CAMTA1: variants seen among roughly 807,000 people sequenced by gnomAD.
CAMTA1 encodes the protein calmodulin binding transcription activator 1, also known as calmodulin-binding transcription activator 1.
Under a neutral mutation model 170.9 loss-of-function variants are expected in CAMTA1, and 27 were observed. The ratio of observed to expected loss-of-function variants is 0.16; its 90% CI spans 0.12 to 0.22. The LOEUF (loss-of-function observed/expected upper bound fraction) is 0.22. CAMTA1 is among the 10% of genes least tolerant of loss of function. The pLI is 1.00. For missense variants in CAMTA1, 1,619 were observed against 2,217.2 expected, an observed-to-expected ratio of 0.73 and a Z score of 5.42; for synonymous variants, 833 against 891.5, an observed-to-expected ratio of 0.93 and a Z score of 1.17.
intron 3 of CAMTA1, among the ~76,000 whole-genome samples, chr1:6,837,105 C>T (rs547794409): frequency 1.3e-5 from 2 of 152,254 alleles, no homozygotes; most frequent in African/African-American, 4.8e-5. Flanking sequence ...AGGCACGCGC[C>T]ACCATACCCG....
At chr1:6,827,940 T>C (rs1448282726) in intron 3 of CAMTA1, among the ~76,000 whole-genome samples, 1 of 152,190 alleles carries the variant, frequency 6.6e-6, no homozygotes, top group Non-Finnish European at 1.5e-5. Flanking sequence ...TAGATCCCAC[T>C]GAAGGGGCTC....
chr1:7,749,832 GAGTCACAAACTTCA>G (rs2096883251), intron 19 of CAMTA1: 3 of 455,990 alleles, frequency 6.6e-6, no homozygotes, highest in Non-Finnish European at 1.3e-5. Flanking sequence ...CATTCCACCA[GAGTCACAAACTTCA>G]CACCCATCAC....
intron 3 of CAMTA1, among the ~76,000 whole-genome samples, chr1:6,923,256 C>T (rs1347876702): frequency 2.0e-5 from 3 of 152,038 alleles, no homozygotes; most frequent in Non-Finnish European, 4.4e-5. Flanking sequence ...TATGTGGAAG[C>T]GAGAGGGGTC....
At chr1:7,440,193 G>C (rs2092477937) in intron 5 of CAMTA1, among the ~76,000 whole-genome samples, 2 of 152,284 alleles carry the variant, frequency 1.3e-5, no homozygotes, top group South Asian at 4.1e-4. Flanking sequence ...CCACTACCTG[G>C]TGGGGAGAGG....
chr1:7,379,326 G>A (rs1367719649), intron 5 of CAMTA1, among the ~76,000 whole-genome samples: 3 of 152,168 alleles, frequency 2.0e-5, no homozygotes, highest in Admixed American at 1.3e-4. Flanking sequence ...AGTGAAATAA[G>A]TTTTTTTATT....
chr1:7,207,179 C>A lies in CAMTA1; in HGVS notation c.303-42312C>A, dbSNP rs144015878. 2.0e-5 allele frequency among the ~76,000 whole-genome samples: 3 copies of A among 152,292 alleles called. No individual in the cohort carries two copies. The East Asian group carries it at 5.8e-4, about 29-fold the overall frequency. On this transcript the variant is annotated intron_variant, in intron 4 of 22. Coordinates refer to ENST00000303635, the MANE Select transcript of CAMTA1 (RefSeq NM_015215.4). ...AGCATCCACTGAGTAGCATCTTGTACCTGACACTTTACTAGGCTCTGAACA... is the reference window on the plus strand; with the variant it reads ...AGCATCCACTGAGTAGCATCTTGTAACTGACACTTTACTAGGCTCTGAACA...
At chr1:7,454,398 C>T (rs1487153129) in intron 5 of CAMTA1, among the ~76,000 whole-genome samples, 5 of 152,212 alleles carry the variant, frequency 3.3e-5, no homozygotes, top group Non-Finnish European at 7.3e-5. Context: ...TCACTGCAAA[C>T]GTATTGTCAT....
chr1:6,903,397 C>A (rs939060266), intron 3 of CAMTA1, among the ~76,000 whole-genome samples: 3 of 152,152 alleles, frequency 2.0e-5, no homozygotes, highest in Admixed American at 6.5e-5. Flanking sequence ...GTTAATTATA[C>A]CTTAATTAAA....
chr1:7,473,843 G>A lies in CAMTA1; in HGVS notation c.510+5942G>A, dbSNP rs12080687. 9.7e-3 allele frequency among the ~76,000 whole-genome samples: 1,485 copies of A among 152,360 alleles called. 27 individuals carry two copies. The highest frequency in any genetic ancestry group is 0.073 in the East Asian group (380 of 5,190). ...AGTGTAGTTTTTCTCCACTGACGCC[G>A]GAACCTGGCTGTGGAACGCGATGGC... is the stretch of plus-strand genomic sequence containing the variant. On this transcript the variant is annotated intron_variant, in intron 6 of 22. Transcript: ENST00000303635.
chr1:7,674,218 C>G lies in CAMTA1; in HGVS notation c.2779+3181C>G, dbSNP rs1313327168. ...ACAGATGAGCAGGGTCCTGCCCTGG[C>G]AGCTCCCACACCGTCACAGGTGGCA... On this transcript the variant is annotated intron_variant, in intron 10 of 22. Transcript: ENST00000303635. The surrounding 1 kb of genome is among the most constrained non-coding windows in gnomAD (Gnocchi z 4.1). Among the ~76,000 whole-genome samples the G allele has an allele frequency of 6.6e-6, 1 of 152,216 alleles. No individual in the cohort carries two copies. Among genetic ancestry groups the G allele is most frequent in the East Asian group, 1.9e-4 (1 of 5,188 alleles).
intron 3 of CAMTA1, among the ~76,000 whole-genome samples, chr1:7,026,713 C>T (rs1032175529): frequency 6.6e-6 from 1 of 150,896 alleles, no homozygotes; most frequent in African/African-American, 2.4e-5. Context: ...TCACTGCAAC[C>T]GCCGCCTCCC....
rs2093144384 is a variant in CAMTA1, at chr1:7,463,648, T to C, written c.439-4182T>C. Among the ~76,000 whole-genome samples, 1 of 151,634 alleles carries C rather than the reference T, an allele frequency of 6.6e-6. No homozygotes were observed. Among genetic ancestry groups the C allele is most frequent in the African/African-American group, 2.4e-5 (1 of 41,256 alleles). ...AGAGAGGCAAGGAGAGAGAGACAGA[T>C]ACAGAGATAGGAAGAGAGAAACAGA... On this transcript the variant is annotated intron_variant, in intron 5 of 22. Transcript: ENST00000303635. This position sits in a 1 kb window ranked among gnomAD's most constrained non-coding sequence, Gnocchi z 4.7.
chr1:7,676,648 G>A (rs572006965), intron 10 of CAMTA1, among the ~76,000 whole-genome samples: 5 of 152,366 alleles, frequency 3.3e-5, no homozygotes, highest in South Asian at 2.1e-4. Flanking sequence ...GTACTGGGGA[G>A]GCCCTGGGTA....
intron 5 of CAMTA1, among the ~76,000 whole-genome samples, chr1:7,322,013 C>G (rs932333610): frequency 6.6e-6 from 1 of 152,164 alleles, no homozygotes; most frequent in Non-Finnish European, 1.5e-5. Context: ...GGTTTGCTAG[C>G]TCTAGTAGGG....
At chr1:7,502,872 C>A (rs1045928604) in intron 6 of CAMTA1, among the ~76,000 whole-genome samples, 1 of 152,216 alleles carries the variant, frequency 6.6e-6, no homozygotes, top group African/African-American at 2.4e-5. Context: ...AGGGCTGAAG[C>A]GAGGCAGGCA....
At chr1:7,591,212 A>G (rs2095353201) in intron 6 of CAMTA1, among the ~76,000 whole-genome samples, 1 of 152,264 alleles carries the variant, frequency 6.6e-6, no homozygotes, top group Non-Finnish European at 1.5e-5. Context: ...TCCAAAGATG[A>G]CAGGATTCAA....
At chr1:7,622,826 C>T (rs1047360188) in intron 6 of CAMTA1, among the ~76,000 whole-genome samples, 5 of 152,276 alleles carry the variant, frequency 3.3e-5, no homozygotes, top group Admixed American at 6.5e-5. Context: ...AGATGTGGAG[C>T]CGCCATCATG....
intron 3 of CAMTA1, among the ~76,000 whole-genome samples, chr1:6,899,900 C>T (rs1488126689): frequency 6.6e-6 from 1 of 152,174 alleles, no homozygotes; most frequent in Non-Finnish European, 1.5e-5. Context: ...TTGGTGTTGC[C>T]TCTGTGTTAT....
chr1:6,805,988 GT>G (rs1644474105), intron 1 of CAMTA1, among the ~76,000 whole-genome samples: 1 of 151,992 alleles, frequency 6.6e-6, no homozygotes, highest in Non-Finnish European at 1.5e-5. Context: ...GAGTTCTGTA[GT>G]TTTAGCTCTG....
Sources: allele counts gnomAD v4.1 joint callset (sites outside exome capture counted in the v4.1 genomes callset), GRCh38; gene constraint gnomAD v4.1.1; non-coding constraint Gnocchi (gnomAD v3.1); transcripts MANE v1.5; gene names NCBI Gene and HGNC (gene_info 2026-07-23, HGNC 2026-07-21).